Variants in ETV6 observed in about 807,000 individuals in gnomAD.
The protein encoded by ETV6 is ETS variant transcription factor 6, also known as transcription factor ETV6.
In ETV6, 16 loss-of-function variants were observed where a neutral mutation model predicts 51.1. The ratio of observed to expected loss-of-function variants is 0.31; its 90% confidence interval spans 0.21 to 0.48. The LOEUF is 0.48. ETV6 is among the 20% of genes least tolerant of loss of function. The probability of loss-of-function intolerance (pLI) is 0.99; values close to 1 mark genes in which losing one functional copy is unlikely to be tolerated. For synonymous variants in ETV6, 240 were observed against 224.1 expected (o/e 1.07, Z -0.64); for missense variants, 458 against 594.8 (o/e 0.77, Z 2.39).
At chr12:11,816,112 C>T (rs948359651) in intron 2 of ETV6, among the ~76,000 whole-genome samples, 1 of 152,188 alleles carries the variant, frequency 6.6e-6, no homozygotes, top group East Asian at 1.9e-4. Context: ...GAATGCAGTG[C>T]CTCTGAGAAC....
chr12:11,794,430 T>C (rs1180172556), intron 2 of ETV6, among the ~76,000 whole-genome samples: 1 of 152,168 alleles, frequency 6.6e-6, no homozygotes, highest in African/African-American at 2.4e-5. Context: ...GCTCCAGGCG[T>C]TTGGCGCCTC....
intron 1 of ETV6, chr12:11,751,836 A>ATT: frequency 2.0e-6 from 1 of 501,548 alleles, no homozygotes; most frequent in Non-Finnish European, 4.0e-6. Context: ...GATAATTCCT[A>ATT]GCAATGAAGG....
At chr12:11,783,902 C>CAGTGA (rs1945445278) in intron 2 of ETV6, among the ~76,000 whole-genome samples, 1 of 152,058 alleles carries the variant, frequency 6.6e-6, no homozygotes, top group African/African-American at 2.4e-5. Flanking sequence ...CAGGAGGTGG[C>CAGTGA]AGTGAAGGAA....
intron 2 of ETV6, among the ~76,000 whole-genome samples, chr12:11,835,853 C>G (rs1355880295): frequency 1.3e-5 from 2 of 152,198 alleles, no homozygotes; most frequent in Non-Finnish European, 2.9e-5. Flanking sequence ...AGCACAGATT[C>G]TGGAACCAGA....
At chr12:11,798,730 T>C (rs1945710288) in intron 2 of ETV6, among the ~76,000 whole-genome samples, 1 of 152,228 alleles carries the variant, frequency 6.6e-6, no homozygotes, top group African/African-American at 2.4e-5. Context: ...CCAAAAAGCC[T>C]GCCTACCTTC....
At chr12:11,653,940 G>C (rs142762032) in intron 1 of ETV6, among the ~76,000 whole-genome samples, 1 of 151,978 alleles carries the variant, frequency 6.6e-6, no homozygotes, top group Admixed American at 6.6e-5. Context: ...AGCCTCCCAA[G>C]TAGTTGGGAT....
chr12:11,863,258 G>C (rs1463214944), intron 4 of ETV6, among the ~76,000 whole-genome samples: 2 of 152,118 alleles, frequency 1.3e-5, no homozygotes, highest in Admixed American at 6.5e-5. Context: ...TGTAAGTAGA[G>C]AAACTTTTCT....
intron 1 of ETV6, among the ~76,000 whole-genome samples, chr12:11,650,504 A>AAAAAAAAAAAAAAC (rs1555109540): frequency 0.012 from 1,158 of 93,962 alleles, 34 homozygotes; most frequent in Non-Finnish European, 0.017. Flanking sequence ...AACAAAAAAC[A>AAAAAAAAAAAAAAC]AAAAAAAAAA....
intron 1 of ETV6, among the ~76,000 whole-genome samples, chr12:11,707,084 A>G (rs1865085499): frequency 6.6e-6 from 1 of 152,180 alleles, no homozygotes; most frequent in African/African-American, 2.4e-5. Context: ...AATGCTAATC[A>G]CTGACTTGCA....
chr12:11,742,793 TTTTC>T lies in ETV6; in HGVS notation c.34-9645_34-9642del, dbSNP rs200747737. ...TTTTATAAGCTTCATCTCATTTTTC[TTTTC>T]TTTCTTTCTTTTTTTTTTTTTTTTT... On this transcript the variant is annotated intron_variant, in intron 1 of 7. Transcript: ENST00000396373. Among the ~76,000 whole-genome samples, 1,314 of 140,650 alleles carry T rather than the reference TTTTC, an allele frequency of 9.3e-3. 234 individuals carry two copies. Among genetic ancestry groups the T allele is most frequent in the Non-Finnish European group, 9.3e-3 (613 of 66,234 alleles). 92.3% of individuals were successfully genotyped at this position (140,650 alleles called of 152,430 possible).
At chr12:11,669,644 G>A (rs1307752178) in intron 1 of ETV6, among the ~76,000 whole-genome samples, 2 of 151,492 alleles carry the variant, frequency 1.3e-5, no homozygotes, top group Non-Finnish European at 2.9e-5. Context: ...CCTCCTCCCC[G>A]GGTCCCTCCC....
intron 1 of ETV6, among the ~76,000 whole-genome samples, chr12:11,657,932 T>C (rs1240311421): frequency 6.6e-6 from 1 of 152,216 alleles, no homozygotes; most frequent in Non-Finnish European, 1.5e-5. Flanking sequence ...TGCTGTGAAT[T>C]CTCCTAGGGG....
chr12:11,702,386 A>T (rs571305389), intron 1 of ETV6, among the ~76,000 whole-genome samples: 1 of 152,264 alleles, frequency 6.6e-6, no homozygotes, highest in Admixed American at 6.5e-5. Flanking sequence ...GGCAAGAATG[A>T]ATTGATTTGT....
intron 2 of ETV6, among the ~76,000 whole-genome samples, chr12:11,827,837 A>G (rs923058716): frequency 4.6e-5 from 7 of 152,162 alleles, no homozygotes; most frequent in African/African-American, 1.7e-4. Flanking sequence ...TGTGCGGTTT[A>G]AAAGAGCAGG....
intron 2 of ETV6, among the ~76,000 whole-genome samples, chr12:11,794,674 AT>A (rs1425942271): frequency 1.3e-5 from 2 of 152,090 alleles, no homozygotes; most frequent in African/African-American, 4.8e-5. Flanking sequence ...CCCATTTTTT[AT>A]GGCTATGCAA....
intron 1 of ETV6, among the ~76,000 whole-genome samples, chr12:11,722,111 T>C (rs1865399648): frequency 6.6e-6 from 1 of 152,222 alleles, no homozygotes; most frequent in African/African-American, 2.4e-5. Flanking sequence ...ATCTGATAAT[T>C]AGGGGCTGGG....
At chr12:11,859,134 T>TGC (rs1946676523) in intron 4 of ETV6, among the ~76,000 whole-genome samples, 2 of 81,328 alleles carry the variant, frequency 2.5e-5, no homozygotes, top group Non-Finnish European at 4.7e-5. Context: ...TTTTTTTTTT[T>TGC]TTTTTTTTTT....
chr12:11,738,706 T>G (rs1263076764), intron 1 of ETV6, among the ~76,000 whole-genome samples: 1 of 152,046 alleles, frequency 6.6e-6, no homozygotes, highest in Non-Finnish European at 1.5e-5. Context: ...GAACTTCGAG[T>G]CAGGTATTTC....
chr12:11,727,352 G>A (rs1865510175), intron 1 of ETV6, among the ~76,000 whole-genome samples: 1 of 152,336 alleles, frequency 6.6e-6, no homozygotes, highest in South Asian at 2.1e-4. Flanking sequence ...TGTTGTGTAG[G>A]CGCTGTGGTG....
Sources: gnomAD v4.1 joint callset for allele counts (sites outside exome capture counted in the v4.1 genomes callset) on GRCh38, gnomAD v4.1.1 for gene constraint, MANE v1.5 for transcripts, NCBI Gene and HGNC (gene_info 2026-07-23, HGNC 2026-07-21) for gene names.